Variants in CAST observed in about 807,000 individuals in gnomAD.
CAST encodes MIR583 host.
In CAST, 76 loss-of-function variants were observed where a neutral mutation model predicts 119.6. That is an observed-to-expected ratio of 0.64 (90% CI 0.53 to 0.77). The LOEUF is 0.77. CAST is among the 30% of genes least tolerant of loss of function. CAST has a pLI of 0.00. For missense variants in CAST, 953 were observed against 946.5 expected (o/e 1.01, Z -0.09); for synonymous variants, 319 against 331.6 (o/e 0.96, Z 0.41).
intron 1 of CAST, among the ~76,000 whole-genome samples, chr5:96,642,433 T>C (rs1433492801): frequency 6.6e-6 from 1 of 152,178 alleles, no homozygotes; most frequent in East Asian, 1.9e-4. Flanking sequence ...GGTTCACTAC[T>C]GAACAGGGCC....
chr5:96,049,480 T>C, the CAST span, among the ~76,000 whole-genome samples: 1 of 152,168 alleles, frequency 6.6e-6, no homozygotes, highest in African/African-American at 2.4e-5. Context: ...GGGAAATAGA[T>C]GGCAGTGATG....
intron 19 of CAST, among the ~76,000 whole-genome samples, chr5:96,749,985 G>C (rs1440533429): frequency 2.0e-5 from 3 of 152,126 alleles, no homozygotes. Context: ...CATGGGGCAG[G>C]GGTCTAAGAA....
At chr5:96,760,781 T>TA (rs1767655166) in intron 24 of CAST, 1 of 151,984 alleles carries the variant, frequency 6.6e-6, no homozygotes, top group African/African-American at 2.4e-5. Context: ...TTTAACTAAA[T>TA]ATCTTAAAAA....
chr5:96,641,302 G>A (rs1296409400), intron 1 of CAST, among the ~76,000 whole-genome samples: 1 of 152,156 alleles, frequency 6.6e-6, no homozygotes, highest in East Asian at 1.9e-4. Flanking sequence ...TCTAGGTCTT[G>A]CACTAGGCAA....
At chr5:96,536,103 A>T (rs1009154455) in intron 1 of CAST, among the ~76,000 whole-genome samples, 3 of 142,740 alleles carry the variant, frequency 2.1e-5, no homozygotes, top group Non-Finnish European at 3.0e-5. Context: ...CAGGCCTGTA[A>T]TCCCAGCACT....
At chr5:96,339,778 T>A in the CAST span, among the ~76,000 whole-genome samples, 94 of 152,238 alleles carry the variant, frequency 6.2e-4, 1 homozygote, top group Admixed American at 2.7e-3. Flanking sequence ...CTGTGTTTGA[T>A]TTGCAGGTAG....
At chr5:96,079,173 C>T in the CAST span, 1 of 473,680 alleles carries the variant, frequency 2.1e-6, no homozygotes, top group Non-Finnish European at 4.4e-6. Flanking sequence ...GGTCCCATTA[C>T]TGCAGGGATC....
At chr5:96,045,107 C>G in the CAST span, among the ~76,000 whole-genome samples, 1 of 152,044 alleles carries the variant, frequency 6.6e-6, no homozygotes, top group Non-Finnish European at 1.5e-5. Context: ...AATCCCAGCA[C>G]TTTGGGAGGC....
At chr5:96,393,459 G>T in the CAST span, 1 of 1,521,096 alleles carries the variant, frequency 6.6e-7, no homozygotes, top group Non-Finnish European at 9.1e-7. Flanking sequence ...CCTACCACAG[G>T]AACGCTGCCT....
intron 12 of CAST, 80 bp from the exon 13 acceptor site, chr5:96,740,665 C>A (rs1277151238): frequency 4.0e-6 from 4 of 1,005,094 alleles, no homozygotes; most frequent in Non-Finnish European, 6.3e-6. Context: ...CACAATTCAA[C>A]CCACAACGGG....
chr5:96,324,000 G>T, the CAST span, among the ~76,000 whole-genome samples: 2 of 151,610 alleles, frequency 1.3e-5, no homozygotes, highest in African/African-American at 2.4e-5. Flanking sequence ...CTTCTTTCTG[G>T]CCTCTCTAAA....
At chr5:96,648,147 A>C (rs1449832811) in intron 1 of CAST, among the ~76,000 whole-genome samples, 1 of 152,152 alleles carries the variant, frequency 6.6e-6, no homozygotes, top group East Asian at 1.9e-4. Context: ...TATATTTTCC[A>C]CTAGGCTTTG....
intron 1 of CAST, among the ~76,000 whole-genome samples, 175 bp downstream of exon 1, chr5:96,662,672 C>CTGCAGGTGGG (rs1483445680): frequency 6.6e-6 from 1 of 152,298 alleles, no homozygotes; most frequent in Non-Finnish European, 1.5e-5. Context: ...CTGCAGGTGG[C>CTGCAGGTGGG]TTCGGTTCCC....
At chr5:96,217,785 G>T in the CAST span, among the ~76,000 whole-genome samples, 5 of 152,154 alleles carry the variant, frequency 3.3e-5, no homozygotes. Flanking sequence ...CTTAACTTTG[G>T]TGTTGGTAAT....
At chr5:96,416,105 C>T in the CAST span, 1 of 1,610,670 alleles carries the variant, frequency 6.2e-7, no homozygotes, top group Non-Finnish European at 8.5e-7. Flanking sequence ...ATTTCTCCTG[C>T]ACATCTGGTC....
intron 3 of CAST, among the ~76,000 whole-genome samples, chr5:96,718,294 T>G (rs911772653): frequency 6.6e-6 from 1 of 152,144 alleles, no homozygotes; most frequent in Non-Finnish European, 1.5e-5. Flanking sequence ...TTTGAAGAAT[T>G]GCTCCCAAAA....
the CAST span, among the ~76,000 whole-genome samples, chr5:95,985,392 C>T: frequency 6.6e-6 from 1 of 152,202 alleles, no homozygotes; most frequent in Non-Finnish European, 1.5e-5. Context: ...TCTATTAATG[C>T]CAGTAAAGAA....
chr5:96,524,352 A>G (rs142384833), upstream of CAST, among the ~76,000 whole-genome samples: 130 of 152,368 alleles, frequency 8.5e-4, 1 homozygote, highest in African/African-American at 2.9e-3. Context: ...ATGACAGTGA[A>G]GTATCTGAAA....
the CAST span, among the ~76,000 whole-genome samples, chr5:96,113,601 C>T: frequency 6.6e-6 from 1 of 152,236 alleles, no homozygotes; most frequent in East Asian, 1.9e-4. Flanking sequence ...GCCATTCTCA[C>T]CCAGAGGGCA....
Sources: gnomAD v4.1 joint callset for allele counts (sites outside exome capture counted in the v4.1 genomes callset) on GRCh38, gnomAD v4.1.1 for gene constraint, MANE v1.5 for transcripts, NCBI Gene and HGNC (gene_info 2026-07-23, HGNC 2026-07-21) for gene names.